Variants in TAS2R1 observed in about 807,000 individuals in gnomAD.
TAS2R1 encodes taste receptor type 2 member 1.
For synonymous variants in TAS2R1, 141 were observed against 134.2 expected (o/e 1.05, Z -0.35); for missense variants, 370 against 353.4 (o/e 1.05, Z -0.38).
rs760913643 is a variant in TAS2R1, at chr5:9,629,165, T to C, written c.868A>G (p.Lys290Glu). 5 of 1,582,950 alleles carry C rather than the reference T, an allele frequency of 3.2e-6. No homozygotes were observed. The South Asian group carries it at 5.8e-5, about 18-fold the overall frequency. ...CAGCACTTACTGTGGAGGAGGAACT[T>C]TTTTGCATTTTGTTTCAATTTAGGA... ...GNPKLKQNAK[K>E]FLLHSKCCQ Residue 290 changes from lysine (K) to glutamate (E), a missense_variant, in exon 1 of 1, where the codon AAG (lysine) becomes GAG (glutamate). Coordinates refer to ENST00000382492, the MANE Select transcript of TAS2R1 (RefSeq NM_019599.3).
At chr5:9,754,941 T>A in the TAS2R1 span, among the ~76,000 whole-genome samples, 2 of 152,164 alleles carry the variant, frequency 1.3e-5, no homozygotes, top group Non-Finnish European at 2.9e-5. Context: ...GCCAAGTCAA[T>A]CCTAAGCCAA....
intron 2 of TAS2R1, among the ~76,000 whole-genome samples, chr5:9,647,060 A>G (rs1246422951): frequency 6.6e-6 from 1 of 152,142 alleles, no homozygotes; most frequent in Non-Finnish European, 1.5e-5. Context: ...GACTGTGACA[A>G]TGATATGGCA....
At chr5:9,782,856 G>A in the TAS2R1 span, among the ~76,000 whole-genome samples, 32 of 152,124 alleles carry the variant, frequency 2.1e-4, no homozygotes, top group African/African-American at 6.8e-4. Flanking sequence ...AACCAATGGA[G>A]CAAAAGGACT....
chr5:9,828,345 C>T, the TAS2R1 span, among the ~76,000 whole-genome samples: 3 of 152,052 alleles, frequency 2.0e-5, no homozygotes, highest in Admixed American at 6.6e-5. Context: ...AGGCTGGTCT[C>T]GAGCTCCTGA....
At chr5:9,844,187 A>G in the TAS2R1 span, among the ~76,000 whole-genome samples, 1 of 152,212 alleles carries the variant, frequency 6.6e-6, no homozygotes, top group Non-Finnish European at 1.5e-5. Context: ...GAGGGCTGAG[A>G]TCATGGAGAC....
chr5:9,742,086 G>A, the TAS2R1 span, among the ~76,000 whole-genome samples: 148 of 151,976 alleles, frequency 9.7e-4, no homozygotes, highest in African/African-American at 3.4e-3. Context: ...GTAGAGATGG[G>A]TTTCTCCATG....
the TAS2R1 span, among the ~76,000 whole-genome samples, chr5:9,789,160 GCATCAA>G: frequency 6.6e-6 from 1 of 152,082 alleles, no homozygotes; most frequent in African/African-American, 2.4e-5. Context: ...AGGAAAACGG[GCATCAA>G]CCCAGGAGCC....
At chr5:9,745,921 T>C in the TAS2R1 span, among the ~76,000 whole-genome samples, 34 of 152,006 alleles carry the variant, frequency 2.2e-4, no homozygotes, top group Non-Finnish European at 3.5e-4. Flanking sequence ...ACAAATGGGA[T>C]CTAATCAAAC....
chr5:9,788,608 A>G, the TAS2R1 span, among the ~76,000 whole-genome samples: 1 of 152,200 alleles, frequency 6.6e-6, no homozygotes, highest in Non-Finnish European at 1.5e-5. Context: ...AAATAAAATA[A>G]AAAAGGAGCA....
intron 1 of TAS2R1, among the ~76,000 whole-genome samples, chr5:9,663,754 G>A (rs1740580011): frequency 6.6e-6 from 1 of 152,160 alleles, no homozygotes; most frequent in Non-Finnish European, 1.5e-5. Flanking sequence ...AGAAAGTTTT[G>A]CAAATGTAAT....
chr5:9,684,739 T>C (rs1275336553), intron 1 of TAS2R1, among the ~76,000 whole-genome samples: 3 of 152,120 alleles, frequency 2.0e-5, no homozygotes, highest in African/African-American at 7.2e-5. Context: ...ACATAAATGA[T>C]AAATATTTGA....
At chr5:9,892,812 A>G in the TAS2R1 span, among the ~76,000 whole-genome samples, 4 of 152,320 alleles carry the variant, frequency 2.6e-5, no homozygotes, top group South Asian at 6.2e-4. Context: ...ATTACACTCA[A>G]AACAAACAAA....
intron 2 of TAS2R1, among the ~76,000 whole-genome samples, chr5:9,637,966 C>T (rs554963818): frequency 7.2e-5 from 11 of 152,176 alleles, no homozygotes; most frequent in East Asian, 3.9e-4. Flanking sequence ...GCTGGGGAGC[C>T]GGTGTGTGTG....
the TAS2R1 span, among the ~76,000 whole-genome samples, chr5:9,820,870 G>A: frequency 1.3e-5 from 2 of 152,182 alleles, no homozygotes; most frequent in African/African-American, 4.8e-5. Context: ...CACCCTTCCA[G>A]GACTGGGAGA....
At chr5:9,860,113 G>A in the TAS2R1 span, among the ~76,000 whole-genome samples, 1 of 152,146 alleles carries the variant, frequency 6.6e-6, no homozygotes, top group Admixed American at 6.5e-5. Context: ...GAGGGGAAAT[G>A]GGAAGAAAAG....
At chr5:9,728,147 A>T in the TAS2R1 span, among the ~76,000 whole-genome samples, 62 of 152,292 alleles carry the variant, frequency 4.1e-4, no homozygotes, top group South Asian at 2.1e-4. Context: ...AAATTGTTAG[A>T]CTACATTTCT....
the TAS2R1 span, among the ~76,000 whole-genome samples, chr5:9,862,018 G>A: frequency 4.6e-5 from 7 of 152,272 alleles, no homozygotes; most frequent in Non-Finnish European, 7.4e-5. Context: ...AAATCAAACC[G>A]AGAACTGCTG....
At position 9,630,346 on chromosome 5, in the gene TAS2R1, G is replaced by A. The variant is rs1225933780; in HGVS notation, c.-314C>T. On this transcript the variant is annotated 5_prime_UTR_variant, in exon 1 of 1. Coordinates refer to ENST00000382492, the MANE Select transcript of TAS2R1 (RefSeq NM_019599.3). ...GGAATCAGACACCTTCAGACAGCTG[G>A]GAGAACAGCTCCTCCATAGTAATTA... 1 of 206,310 alleles carries A rather than the reference G, an allele frequency of 4.8e-6. No individual in the cohort carries two copies. Among genetic ancestry groups the A allele is most frequent in the Non-Finnish European group, 1.1e-5 (1 of 93,150 alleles). The allele number at this position is 206,310 out of a possible 1,614,324, so 12.8% of individuals were successfully genotyped here. A position where few individuals can be genotyped will look rare whatever the true frequency, so the allele number is the denominator to read the frequency against.
chr5:9,688,747 C>G (rs1443431053), intron 1 of TAS2R1, among the ~76,000 whole-genome samples: 1 of 152,164 alleles, frequency 6.6e-6, no homozygotes, highest in Non-Finnish European at 1.5e-5. Context: ...TTCCCAGTGC[C>G]ATTCCAGAGC....
Sources: gnomAD v4.1 joint callset for allele counts (sites outside exome capture counted in the v4.1 genomes callset) on GRCh38, gnomAD v4.1.1 for gene constraint, MANE v1.5 for transcripts, NCBI Gene and HGNC (gene_info 2026-07-23, HGNC 2026-07-21) for gene names.